FMN2: variants seen among roughly 807,000 people sequenced by gnomAD.
FMN2 encodes the protein formin 2.
Under a neutral mutation model 142.3 loss-of-function variants are expected in FMN2, and 51 were observed. The observed-to-expected ratio is 0.36, with a 90% CI of 0.29 to 0.45. FMN2 has a LOEUF of 0.45. Ranked by LOEUF, FMN2 falls within the 20% of genes least tolerant of loss-of-function variation. The pLI is 1.00. For missense variants in FMN2, 1,936 were observed against 2,122.8 expected (o/e 0.91, Z 1.73); for synonymous variants, 882 against 869.8 (o/e 1.01, Z -0.25).
At chr1:240,389,708 T>C (rs1177905666) in intron 14 of FMN2, among the ~76,000 whole-genome samples, 1 of 152,076 alleles carries the variant, frequency 6.6e-6, no homozygotes, top group African/African-American at 2.4e-5. Context: ...TCTCAACACT[T>C]TGAGAGACCG....
At position 240,461,812 on chromosome 1, in the gene FMN2, A is replaced by G. The variant is rs545820996; in HGVS notation, c.5061-10560A>G. 4.6e-5 allele frequency among the ~76,000 whole-genome samples: 7 copies of G among 152,230 alleles called. No individual in the cohort carries two copies. In the South Asian group the frequency reaches 1.5e-3, roughly 32 times the overall value. On this transcript the variant is annotated intron_variant, in intron 16 of 17. Transcript: ENST00000319653. ...CTAAAATAGGATGGTGGCATCACTCATGTTTGGTCACAAGGTGGTCAAATG... is the reference window on the plus strand; with the variant it reads ...CTAAAATAGGATGGTGGCATCACTCGTGTTTGGTCACAAGGTGGTCAAATG...
rs1372711444 is a variant in FMN2, at chr1:240,293,920, A to G, written c.4154-902A>G. On this transcript the variant is annotated intron_variant, in intron 7 of 17. Coordinates refer to ENST00000319653, the MANE Select transcript of FMN2 (RefSeq NM_020066.5). ...AGTCAACTAGAAAATGTCTCATGTG[A>G]AACTTTGAGAGAAGAGACATTGTAA... Among the ~76,000 whole-genome samples the G allele has an allele frequency of 3.3e-5, 5 of 152,308 alleles. No individual in the cohort carries two copies. The East Asian group carries it at 9.7e-4, about 29-fold the overall frequency.
chr1:240,172,156 C>T (rs1664727237), intron 2 of FMN2, among the ~76,000 whole-genome samples: 1 of 151,776 alleles, frequency 6.6e-6, no homozygotes, highest in South Asian at 2.1e-4. Flanking sequence ...ACTCATATAC[C>T]CTATTCGGGA....
intron 15 of FMN2, among the ~76,000 whole-genome samples, chr1:240,396,303 C>CGTGTGTGTGTGTGT (rs57641655): frequency 2.8e-5 from 4 of 142,742 alleles, no homozygotes; most frequent in South Asian, 4.7e-4. Context: ...CCGAGGTTTT[C>CGTGTGTGTGTGTGT]GTGTGTGTGT....
At chr1:240,228,349 AAGAAAG>A (rs1558380617) in intron 6 of FMN2, among the ~76,000 whole-genome samples, 1 of 77,798 alleles carries the variant, frequency 1.3e-5, no homozygotes, top group African/African-American at 7.8e-5. Context: ...GAAAAAGAAA[AAGAAAG>A]AAAAAAAATG....
rs969813079 is a variant in FMN2, at chr1:240,329,116, G to T, written c.4256G>T (p.Gly1419Val). Reference sequence around the variant, plus strand: ...GAACTCGAAAAAATAGAAAAGCATGGCCGATCTTCCAAAGACAAGGAAAAT... The same window carrying T: ...GAACTCGAAAAAATAGAAAAGCATGTCCGATCTTCCAAAGACAAGGAAAAT... ...SDELEKIEKH[G>V]RSSKDKENAK... The change falls in exon 9 of 18, where the codon GGC becomes GTC. Residue 1419 changes from glycine to valine, a missense_variant. Coordinates refer to ENST00000319653, the MANE Select transcript of FMN2 (RefSeq NM_020066.5). 1.9e-6 allele frequency: 3 copies of T among 1,613,948 alleles called. No individual in the cohort carries two copies. In the African/African-American group the frequency reaches 4.0e-5, roughly 22 times the overall value.
chr1:240,135,694 T>C (rs1349216721), intron 2 of FMN2, among the ~76,000 whole-genome samples: 1 of 151,522 alleles, frequency 6.6e-6, no homozygotes, highest in African/African-American at 2.4e-5. Context: ...TTTTTTTTTT[T>C]TTTTGAGACA....
chr1:240,156,853 T>G (rs1193903056), intron 2 of FMN2, among the ~76,000 whole-genome samples: 1 of 152,156 alleles, frequency 6.6e-6, no homozygotes, highest in African/African-American at 2.4e-5. Flanking sequence ...AATTCATTAA[T>G]CGCCTGAATT....
intron 6 of FMN2, among the ~76,000 whole-genome samples, chr1:240,213,473 TTTTA>T (rs1428602853): frequency 2.6e-4 from 39 of 152,328 alleles, no homozygotes; most frequent in African/African-American, 8.9e-4. Flanking sequence ...AGAAACATAG[TTTTA>T]TTTAACTTCA....
In FMN2 at chr1:240,330,740, C is replaced by A. The variant is rs528956864; in HGVS notation, c.4575C>A (p.Val1525=). The A allele has an allele frequency of 1.2e-6, 2 of 1,613,784 alleles. No individual in the cohort carries two copies. Among genetic ancestry groups the A allele is most frequent in the African/African-American group, 2.7e-5 (2 of 75,026 alleles). Residue 1525 remains valine, a synonymous_variant, in exon 11 of 18, where the codon GTC becomes GTA. Transcript: ENST00000319653. ...GLDILPKLKD[V]KSSDNSRSLL... ...ACATTCTTCCAAAACTGAAAGATGT[C>A]AAGAGCAGTGTAAGTATTTTGCATG...
In FMN2 at chr1:240,155,000, C is replaced by G. The variant is rs146731806; in HGVS notation, c.1783-22921C>G. Among the ~76,000 whole-genome samples the G allele has an allele frequency of 5.3e-5, 8 of 151,812 alleles. No homozygotes were observed. The South Asian group carries it at 1.3e-3, about 24-fold the overall frequency. On this transcript the variant is annotated intron_variant, in intron 2 of 17. Coordinates refer to ENST00000319653, the MANE Select transcript of FMN2 (RefSeq NM_020066.5). ...CTTTCAGACTTAAGCAATCCCCCCC[C>G]CGACCTTGACCTCCTGAGTAGCTAG...
chr1:240,338,253 T>A (rs1671628561), intron 13 of FMN2, among the ~76,000 whole-genome samples: 1 of 152,186 alleles, frequency 6.6e-6, no homozygotes, highest in Non-Finnish European at 1.5e-5. Flanking sequence ...TGAAGCAATG[T>A]CCATTTTCCA....
chr1:240,352,135 T>C (rs1558447728), intron 13 of FMN2, among the ~76,000 whole-genome samples: 1 of 152,202 alleles, frequency 6.6e-6, no homozygotes, highest in African/African-American at 2.4e-5. Context: ...AGGATTTTAC[T>C]TTCCTCATTG....
intron 7 of FMN2, among the ~76,000 whole-genome samples, chr1:240,264,943 G>A (rs1484456142): frequency 6.6e-6 from 1 of 152,044 alleles, no homozygotes; most frequent in African/African-American, 2.4e-5. Context: ...TTTATAGTAG[G>A]GGGAATTCAG....
intron 8 of FMN2, among the ~76,000 whole-genome samples, chr1:240,322,996 C>A (rs1260150503): frequency 6.6e-6 from 1 of 152,090 alleles, no homozygotes; most frequent in East Asian, 1.9e-4. Context: ...TCCCCAAGAA[C>A]CCCCCTCCTC....
At chr1:240,333,112 C>G (rs1046032112) in intron 11 of FMN2, among the ~76,000 whole-genome samples, 2 of 152,048 alleles carry the variant, frequency 1.3e-5, no homozygotes, top group Non-Finnish European at 2.9e-5. Flanking sequence ...AAAATATATA[C>G]TTGAGCTCTC....
intron 6 of FMN2, among the ~76,000 whole-genome samples, chr1:240,240,158 G>A (rs1056305275): frequency 1.3e-5 from 2 of 152,170 alleles, no homozygotes; most frequent in Non-Finnish European, 2.9e-5. Flanking sequence ...TTCCTTGGTA[G>A]GAGTGTGCTC....
At chr1:240,404,705 T>G (rs1375538795) in intron 15 of FMN2, among the ~76,000 whole-genome samples, 1 of 152,222 alleles carries the variant, frequency 6.6e-6, no homozygotes, top group East Asian at 1.9e-4. Flanking sequence ...ATGGATTTTC[T>G]TCTGTGGCTA....
chr1:240,246,685 A>T (rs1257365783), intron 6 of FMN2, among the ~76,000 whole-genome samples: 3 of 152,194 alleles, frequency 2.0e-5, no homozygotes, highest in African/African-American at 4.8e-5. Flanking sequence ...ATTCAAGTAC[A>T]CATGAAGTTT....
Sources: allele counts gnomAD v4.1 joint callset (sites outside exome capture counted in the v4.1 genomes callset), GRCh38; gene constraint gnomAD v4.1.1; transcripts MANE v1.5; gene names NCBI Gene and HGNC (gene_info 2026-07-23, HGNC 2026-07-21).